Variants in C1orf162 observed in about 807,000 individuals in gnomAD.
C1orf162 encodes the protein chromosome 1 open reading frame 162.
Under a neutral mutation model 11.4 loss-of-function variants are expected in C1orf162, and 10 were observed. The ratio of observed to expected loss-of-function variants is 0.88; its 90% CI spans 0.54 to 1.48. The LOEUF (loss-of-function observed/expected upper bound fraction) is 1.48, where lower values mean the gene tolerates loss of function less well. Among genes scored for constraint, C1orf162 ranks in the 40% most tolerant of loss-of-function variants. The pLI is 0.00. For synonymous variants in C1orf162, 53 were observed against 55.0 expected (o/e 0.96, Z 0.16); for missense variants, 140 against 149.5 (o/e 0.94, Z 0.33).
At chr1:111,477,053 G>A in intron 3 of C1orf162, 186 bp downstream of exon 3, 1 of 674,440 alleles carries the variant, frequency 1.5e-6, no homozygotes, top group Non-Finnish European at 2.6e-6. Context: ...AGCTTCAAGA[G>A]ATCCATGGAT....
chr1:111,476,048 C>G lies in C1orf162; in HGVS notation c.20C>G (p.Thr7Arg). The G allele has an allele frequency of 6.2e-7, 1 of 1,613,312 alleles. No homozygotes were observed. Among genetic ancestry groups the G allele is most frequent in the Non-Finnish European group, 8.5e-7 (1 of 1,179,260 alleles). Residue 7 changes from threonine (T) to arginine (R), a missense_variant, in exon 2 of 6, where the codon ACA (threonine) becomes AGA (arginine). Physicochemically the swap from Thr to Arg is moderately conservative, Grantham distance 71. Transcript: ENST00000369718. MGGNGSTCKPDTERQGT... is the reference protein window; with the variant it reads MGGNGSRCKPDTERQGT... The stretch of plus-strand genomic sequence containing the variant: ...GACAGCATGGGAGGCAATGGCTCCA[C>G]ATGTAAACCCGACACTGGTGAGTTT...
chr1:111,476,179 G>T, intron 2 of C1orf162, 114 bp downstream of exon 2: 2 of 1,058,372 alleles, frequency 1.9e-6, no homozygotes, highest in Non-Finnish European at 2.9e-6. Context: ...GAAACTGGAA[G>T]AATCCAATTT....
intron 1 of C1orf162, chr1:111,474,864 G>A (rs1177074496): frequency 6.6e-6 from 1 of 152,134 alleles, no homozygotes; most frequent in African/African-American, 2.4e-5. Context: ...CAGGTCCAAG[G>A]ACTTGGAAGT....
Position 111,477,975 on chromosome 1 carries a change from C to T in C1orf162, c.253-8C>T. On this transcript the variant is annotated splice_region_variant and splice_polypyrimidine_tract_variant and intron_variant, in intron 5 of 5. Transcript: ENST00000369718. ...ACTCACTCATTCCTCCTTTTTCTCC[C>T]TCTGCAGCTTTCATCCATCCCAGGG... is the stretch of plus-strand genomic sequence containing the variant. 1 of 1,614,132 alleles carries T rather than the reference C, an allele frequency of 6.2e-7. No homozygotes were observed. The highest frequency in any genetic ancestry group is 8.5e-7 in the Non-Finnish European group (1 of 1,179,998).
intron 1 of C1orf162, chr1:111,475,381 A>G (rs1199417001): frequency 6.6e-6 from 1 of 152,224 alleles, no homozygotes; most frequent in Non-Finnish European, 1.5e-5. Flanking sequence ...GCCTTTAGAT[A>G]TTTTATACAT....
chr1:111,476,215 G>C (rs1438361181), intron 2 of C1orf162, 150 bp downstream of exon 2: 1 of 815,096 alleles, frequency 1.2e-6, no homozygotes, highest in Non-Finnish European at 2.0e-6. Context: ...TTTAATGCCA[G>C]GAGGGGTGAA....
chr1:111,474,187 C>G (rs1476566238), intron 1 of C1orf162, among the ~76,000 whole-genome samples, 157 bp downstream of exon 1: 1 of 152,346 alleles, frequency 6.6e-6, no homozygotes, highest in East Asian at 1.9e-4. Flanking sequence ...TTTACGCTAT[C>G]AGTAAGATTC....
chr1:111,474,979 A>G (rs2101769684), intron 1 of C1orf162: 1 of 152,274 alleles, frequency 6.6e-6, no homozygotes, highest in African/African-American at 2.4e-5. Context: ...ACATTTTCCC[A>G]TGAGTTTGCC....
chr1:111,475,459 G>A (rs1311316470), intron 1 of C1orf162: 10 of 154,278 alleles, frequency 6.5e-5, no homozygotes. Context: ...GATTAGAAGT[G>A]TCTAATGAGG....
intron 4 of C1orf162, 116 bp from the exon 5 acceptor site, chr1:111,477,610 C>G (rs748748379): frequency 6.4e-7 from 1 of 1,570,136 alleles, no homozygotes; most frequent in South Asian, 1.1e-5. Context: ...GCCCCCCACC[C>G]ACCTGCCAAC....
At chr1:111,476,668 G>A (rs928457255) in intron 2 of C1orf162, 130 bp from the exon 3 acceptor site, 6 of 805,330 alleles carry the variant, frequency 7.5e-6, no homozygotes, top group African/African-American at 5.2e-5. Flanking sequence ...TCTCATTTTT[G>A]TAAGAGTTGC....
intron 1 of C1orf162, 51 bp downstream of exon 1, chr1:111,474,081 A>G (rs1241954277): frequency 6.6e-6 from 1 of 152,208 alleles, no homozygotes; most frequent in Non-Finnish European, 1.5e-5. Flanking sequence ...ATCACTCACC[A>G]AAAGAAAGTG....
Position 111,475,920 on chromosome 1 carries a change from T to C in C1orf162, c.-11-98T>C, listed in dbSNP as rs553751834. The C allele has an allele frequency of 8.8e-6, 8 of 908,372 alleles. No homozygotes were observed. In the East Asian group the frequency reaches 1.5e-4, roughly 17 times the overall value. The allele number at this position is 908,372 out of a possible 1,614,324, so 56.3% of individuals were successfully genotyped here. Reference sequence around the variant, plus strand: ...TAGAACACCCACAAATTGCCTCTCATTGTTACTACTCTTATATGACAATCA... The same window carrying C: ...TAGAACACCCACAAATTGCCTCTCACTGTTACTACTCTTATATGACAATCA... On this transcript the variant is annotated intron_variant, in intron 1 of 5. Coordinates refer to ENST00000369718, the MANE Select transcript of C1orf162 (RefSeq NM_001300834.2).
chr1:111,476,846 C>T lies in C1orf162; in HGVS notation c.86C>T (p.Pro29Leu), dbSNP rs1424621008. The part of the protein sequence containing the change: ...STAAPTTSPA[P>L]CLSNHHNKKH... ...GCAGCCCCAACAACTAGCCCTGCAC[C>T]CTGTCTCTCTAACCACCACAAGTAA... is the stretch of plus-strand genomic sequence containing the variant. Residue 29 changes from proline (P) to leucine (L), a missense_variant, in exon 3 of 6, where the codon CCC becomes CTC. Physicochemically the swap from Pro to Leu is moderately conservative, Grantham distance 98. Coordinates refer to ENST00000369718, the MANE Select transcript of C1orf162 (RefSeq NM_001300834.2). The T allele has an allele frequency of 6.2e-7, 1 of 1,613,908 alleles. No homozygotes were observed. The highest frequency in any genetic ancestry group is 1.3e-5 in the African/African-American group (1 of 74,896).
At position 111,476,083 on chromosome 1, in the gene C1orf162, A is replaced by G; in HGVS notation, c.37+18A>G. On this transcript the variant is annotated intron_variant, in intron 2 of 5. Transcript: ENST00000369718. Reference sequence around the variant, plus strand: ...CGACACTGGTGAGTTTACGACAGGAATAATTACCTGCCTCACGTCTGAGTT... The same window carrying G: ...CGACACTGGTGAGTTTACGACAGGAGTAATTACCTGCCTCACGTCTGAGTT... 2 of 1,609,072 alleles carry G rather than the reference A, an allele frequency of 1.2e-6. No homozygotes were observed. Among genetic ancestry groups the G allele is most frequent in the Non-Finnish European group, 1.7e-6 (2 of 1,175,556 alleles).
At position 111,476,849 on chromosome 1, in the gene C1orf162, G is replaced by A; in HGVS notation, c.89G>A (p.Cys30Tyr). The A allele has an allele frequency of 6.2e-7, 1 of 1,613,994 alleles. No individual in the cohort carries two copies. Among genetic ancestry groups the A allele is most frequent in the Non-Finnish European group, 8.5e-7 (1 of 1,179,908 alleles). The stretch of plus-strand genomic sequence containing the variant: ...GCCCCAACAACTAGCCCTGCACCCT[G>A]TCTCTCTAACCACCACAAGTAAATG... ...TAAPTTSPAP[C>Y]LSNHHNKKHL... The change falls in exon 3 of 6, where the codon TGT becomes TAT. Residue 30 changes from cysteine (C) to tyrosine (Y), a missense_variant. Coordinates refer to ENST00000369718, the MANE Select transcript of C1orf162 (RefSeq NM_001300834.2).
At position 111,477,732 on chromosome 1, in the gene C1orf162, C is replaced by T; in HGVS notation, c.209C>T (p.Ser70Phe). The T allele has an allele frequency of 6.2e-7, 1 of 1,613,912 alleles. No individual in the cohort carries two copies. The highest frequency in any genetic ancestry group is 8.5e-7 in the Non-Finnish European group (1 of 1,179,956). ...CTTTCTGGCACCATGGCAGATCACT[C>T]CAAGCCCCAGGCCCCAGATCCTCAC... ...LIIKSYRKYH[S>F]KPQAPDPHSD... The change falls in exon 5 of 6, where the codon TCC (serine) becomes TTC (phenylalanine). Residue 70 changes from serine to phenylalanine, a missense_variant. Coordinates refer to ENST00000369718, the MANE Select transcript of C1orf162 (RefSeq NM_001300834.2).
rs1303266717 is a variant in C1orf162 at position 111,476,074 on chromosome 1, A to G, written c.37+9A>G. The G allele has an allele frequency of 1.4e-5, 22 of 1,611,738 alleles. No individual in the cohort carries two copies. The highest frequency in any genetic ancestry group is 1.7e-5 in the Non-Finnish European group (20 of 1,177,860). On this transcript the variant is annotated intron_variant, in intron 2 of 5. Transcript: ENST00000369718. ...ATGTAAACCCGACACTGGTGAGTTT[A>G]CGACAGGAATAATTACCTGCCTCAC...
At chr1:111,475,655 G>A (rs1418430206) in intron 1 of C1orf162, 1 of 193,978 alleles carries the variant, frequency 5.2e-6, no homozygotes, top group Non-Finnish European at 1.1e-5. Flanking sequence ...ATTCTTATAT[G>A]TTCCCCTGAT....
Sources: gnomAD v4.1 joint callset for allele counts (sites outside exome capture counted in the v4.1 genomes callset) on GRCh38, gnomAD v4.1.1 for gene constraint, MANE v1.5 for transcripts, NCBI Gene and HGNC (gene_info 2026-07-23, HGNC 2026-07-21) for gene names.